The following SLC5A10 variants were observed in gnomAD, a reference collection of about 807,000 sequenced individuals.
The protein encoded by SLC5A10 is sodium/mannose cotransporter SLC5A10.
Under a neutral mutation model 68.9 loss-of-function variants are expected in SLC5A10, and 55 were observed. The ratio of observed to expected loss-of-function variants is 0.80; its 90% CI spans 0.64 to 1.00. The LOEUF is 1.00. SLC5A10 is among the 50% of genes least tolerant of loss of function. The pLI is 0.00. For missense variants in SLC5A10, 732 were observed against 819.3 expected (o/e 0.89, Z 1.30); for synonymous variants, 344 against 344.8 (o/e 1.00, Z 0.02).
In SLC5A10 at chr17:19,000,614, G is replaced by A. The variant is rs547210552; in HGVS notation, c.983-12796G>A. Among the ~76,000 whole-genome samples, 7 of 152,278 alleles carry A rather than the reference G, an allele frequency of 4.6e-5. No individual in the cohort carries two copies. Among genetic ancestry groups the A allele is most frequent in the African/African-American group, 1.7e-4 (7 of 41,546 alleles). ...CGACAGGTAAGGTGAGTGAGGAGGC[G>A]GAAGGCTGGGCTGTCCTGACTCAGC... On this transcript the variant is annotated intron_variant, in intron 9 of 14. Transcript: ENST00000395645. The surrounding 1 kb of genome is among the most constrained non-coding windows in gnomAD (Gnocchi z 5.2).
At chr17:19,009,186 G>T (rs927686776) in intron 9 of SLC5A10, among the ~76,000 whole-genome samples, 1 of 151,600 alleles carries the variant, frequency 6.6e-6, no homozygotes, top group Admixed American at 6.6e-5. Flanking sequence ...TTTTGTTGTT[G>T]TTGTTGTTTG....
rs1447380562 is a variant in SLC5A10, at chr17:19,004,348, C to G, written c.983-9062C>G. 3.2e-6 allele frequency: 1 copy of G among 310,366 alleles called. No individual in the cohort carries two copies. Among genetic ancestry groups the G allele is most frequent in the East Asian group, 7.1e-5 (1 of 14,070 alleles). 19.2% of individuals were successfully genotyped at this position (310,366 alleles called of 1,614,324 possible). ...GGAAGAAAGTAAGGGATCGGAACAGCGGTGAGGGAGCGGTGGGCCACGTCC... is the reference window on the plus strand; with the variant it reads ...GGAAGAAAGTAAGGGATCGGAACAGGGGTGAGGGAGCGGTGGGCCACGTCC... On this transcript the variant is annotated intron_variant, in intron 9 of 14. Transcript: ENST00000395645. This position sits in a 1 kb window ranked among gnomAD's most constrained non-coding sequence, Gnocchi z 5.4.
At chr17:18,978,830 C>T (rs771014689) in intron 9 of SLC5A10, 5 of 1,612,036 alleles carry the variant, frequency 3.1e-6, no homozygotes, top group Admixed American at 1.7e-5. Context: ...CCGGTCCGTC[C>T]GCGCGGCCGA....
intron 9 of SLC5A10, among the ~76,000 whole-genome samples, chr17:18,999,495 C>T (rs2043670004): frequency 6.6e-6 from 1 of 152,156 alleles, no homozygotes; most frequent in African/African-American, 2.4e-5. Flanking sequence ...TTTGCCATCT[C>T]CGAGCCCCAC....
chr17:18,966,624 C>A (rs1189924759), intron 5 of SLC5A10, among the ~76,000 whole-genome samples: 1 of 152,022 alleles, frequency 6.6e-6, no homozygotes, highest in African/African-American at 2.4e-5. Flanking sequence ...ATGGCACACA[C>A]CTGTAATCCC....
In SLC5A10 at chr17:19,018,467, C is replaced by T. The variant is rs533319358; in HGVS notation, c.1242-956C>T. 1 of 152,380 alleles carries T rather than the reference C, an allele frequency of 6.6e-6. No homozygotes were observed. The highest frequency in any genetic ancestry group is 1.9e-4 in the East Asian group (1 of 5,190). The allele number at this position is 152,380 out of a possible 1,614,324, so 9.4% of individuals were successfully genotyped here. ...GCCCAGTCCGAGTGTAGGTAAGAGG[C>T]TCATCTGTTTTCTTTGCTGGACTCT... On this transcript the variant is annotated intron_variant, in intron 11 of 14. Transcript: ENST00000395645. The surrounding 1 kb of genome is among the most constrained non-coding windows in gnomAD (Gnocchi z 4.2).
At chr17:18,984,971 C>T (rs924063131) in intron 9 of SLC5A10, among the ~76,000 whole-genome samples, 4 of 152,252 alleles carry the variant, frequency 2.6e-5, no homozygotes, top group Non-Finnish European at 5.9e-5. Context: ...CACGCTGCTC[C>T]CACCTCACCT....
In SLC5A10 at chr17:19,013,447, G is replaced by T; in HGVS notation, c.1020G>T (p.Arg340=). Residue 340 remains arginine, a synonymous_variant, in exon 10 of 15, where the codon CGG becomes CGT. Coordinates refer to ENST00000395645, the MANE Select transcript of SLC5A10 (RefSeq NM_001042450.4). ...GCGTGGTGCCGTCCGAGTGCCTGCG[G>T]GCCTGCGGGGCCGAGGTCGGCTGCT... ...VGCVVPSECL[R]ACGAEVGCSN... is the part of the protein sequence containing the mutation. 2 of 1,605,390 alleles carry T rather than the reference G, an allele frequency of 1.2e-6. No individual in the cohort carries two copies. Among genetic ancestry groups the T allele is most frequent in the Non-Finnish European group, 8.5e-7 (1 of 1,175,798 alleles).
chr17:18,978,879 G>A, intron 9 of SLC5A10: 1 of 1,606,448 alleles, frequency 6.2e-7, no homozygotes, highest in Non-Finnish European at 8.5e-7. Context: ...GCGCTGGTCA[G>A]GCACATGACC....
At chr17:18,967,345 A>T (rs927198233) in intron 5 of SLC5A10, among the ~76,000 whole-genome samples, 1 of 152,112 alleles carries the variant, frequency 6.6e-6, no homozygotes, top group Admixed American at 6.5e-5. Context: ...CGTGGAAGGA[A>T]GGGCAGGAAG....
chr17:19,003,741 C>T lies in SLC5A10; in HGVS notation c.983-9669C>T. On this transcript the variant is annotated intron_variant, in intron 9 of 14. Transcript: ENST00000395645. The surrounding 1 kb of genome is among the most constrained non-coding windows in gnomAD (Gnocchi z 4.5). Reference sequence around the variant, plus strand: ...ATGGGGACCCCATCCGCCCCGCTGGCTTCCTCGCCGTCGCCGACCCCATTG... The same window carrying T: ...ATGGGGACCCCATCCGCCCCGCTGGTTTCCTCGCCGTCGCCGACCCCATTG... 1 of 1,605,182 alleles carries T rather than the reference C, an allele frequency of 6.2e-7. No homozygotes were observed. Among genetic ancestry groups the T allele is most frequent in the Non-Finnish European group, 8.5e-7 (1 of 1,175,812 alleles).
intron 5 of SLC5A10, among the ~76,000 whole-genome samples, chr17:18,962,882 C>T (rs944067807): frequency 6.6e-6 from 1 of 152,158 alleles, no homozygotes; most frequent in Non-Finnish European, 1.5e-5. Context: ...ATACCTCACA[C>T]TCGGAGAGTC....
At chr17:18,964,618 A>G (rs916390744) in intron 5 of SLC5A10, among the ~76,000 whole-genome samples, 2 of 152,232 alleles carry the variant, frequency 1.3e-5, no homozygotes, top group African/African-American at 2.4e-5. Flanking sequence ...GGGAGACAGG[A>G]GCAGGGAGTG....
chr17:18,951,302 G>A (rs1382359057), upstream of SLC5A10, among the ~76,000 whole-genome samples: 4 of 152,220 alleles, frequency 2.6e-5, no homozygotes, highest in African/African-American at 7.2e-5. Context: ...CGGTGGAGAC[G>A]GTGGGGCCAC....
intron 1 of SLC5A10, chr17:18,954,109 C>T (rs1038291054): frequency 4.6e-5 from 7 of 152,224 alleles, no homozygotes; most frequent in African/African-American, 1.7e-4. Flanking sequence ...GAGCAAGGGT[C>T]CAATGGAAGT....
chr17:19,008,271 G>A (rs892239262), intron 9 of SLC5A10, among the ~76,000 whole-genome samples: 1 of 152,182 alleles, frequency 6.6e-6, no homozygotes, highest in African/African-American at 2.4e-5. Context: ...AGACAAGAAT[G>A]ATCCAATGTG....
rs547074917 is a variant in SLC5A10 at position 18,981,074 on chromosome 17, C to T, written c.982+4085C>T. ...CATTCACATAGTCATCAACCCCTGC[C>T]GAGGCCTCCAGCTGCAGAGATGCCT... is the stretch of plus-strand genomic sequence containing the variant. On this transcript the variant is annotated intron_variant, in intron 9 of 14. Coordinates refer to ENST00000395645, the MANE Select transcript of SLC5A10 (RefSeq NM_001042450.4). 7.0e-4 allele frequency among the ~76,000 whole-genome samples: 106 copies of T among 152,338 alleles called. 1 individual carries two copies. The highest frequency in any genetic ancestry group is 2.4e-3 in the African/African-American group (100 of 41,566).
In SLC5A10 at chr17:19,020,539, A is replaced by T; in HGVS notation, c.*108A>T. ...AGGGGCAGATTCCCCTCACAGCTGCACAGCAGCTCGGTGCCCAAGAACTGG... is the reference window on the plus strand; with the variant it reads ...AGGGGCAGATTCCCCTCACAGCTGCTCAGCAGCTCGGTGCCCAAGAACTGG... On this transcript the variant is annotated 3_prime_UTR_variant, in exon 15 of 15. Transcript: ENST00000395645. 2.3e-5 allele frequency: 24 copies of T among 1,050,038 alleles called. No homozygotes were observed. Among genetic ancestry groups the T allele is most frequent in the Non-Finnish European group, 3.2e-5 (23 of 721,368 alleles). The allele number at this position is 1,050,038 out of a possible 1,614,324, so 65.0% of individuals were successfully genotyped here.
rs546169314 is a variant in SLC5A10 at position 18,997,167 on chromosome 17, G to C, written c.983-16243G>C. ...AGTGGGTTGGGGTCAAGAAGCCCAG[G>C]CTAATCATGCCCAGAGCGCTCTGAC... On this transcript the variant is annotated intron_variant, in intron 9 of 14. Coordinates refer to ENST00000395645, the MANE Select transcript of SLC5A10 (RefSeq NM_001042450.4). 6.5e-4 allele frequency among the ~76,000 whole-genome samples: 99 copies of C among 152,374 alleles called. 4 individuals carry two copies. The highest frequency in any genetic ancestry group is 6.5e-3 in the Admixed American group (99 of 15,306).
Sources: allele counts gnomAD v4.1 joint callset (sites outside exome capture counted in the v4.1 genomes callset), GRCh38; gene constraint gnomAD v4.1.1; non-coding constraint Gnocchi (gnomAD v3.1); transcripts MANE v1.5; gene names NCBI Gene and HGNC (gene_info 2026-07-23, HGNC 2026-07-21).